Variants in ALG6 observed in about 807,000 individuals in gnomAD.
ALG6 encodes the protein ALG6 alpha-1,3-glucosyltransferase, also known as dolichyl pyrophosphate Man9GlcNAc2 alpha-1,3-glucosyltransferase.
Under a neutral mutation model 66.6 loss-of-function variants are expected in ALG6, and 46 were observed. The observed-to-expected ratio is 0.69, with a 90% CI of 0.55 to 0.88. ALG6 has a LOEUF of 0.88. Ranked by LOEUF, ALG6 falls within the 40% of genes least tolerant of loss-of-function variation. The pLI is 0.00. For synonymous variants in ALG6, 185 were observed against 203.7 expected, an observed-to-expected ratio of 0.91 and a Z score of 0.78; for missense variants, 505 against 586.8, an observed-to-expected ratio of 0.86 and a Z score of 1.44.
intron 3 of ALG6, among the ~76,000 whole-genome samples, chr1:63,401,327 A>G (rs1478370550): frequency 6.6e-6 from 1 of 152,176 alleles, no homozygotes; most frequent in African/African-American, 2.4e-5. Context: ...AATATTTTTA[A>G]TTCAAAAAGT....
At chr1:63,411,375 TA>T in intron 8 of ALG6, 44 bp downstream of exon 8, 1 of 1,574,466 alleles carries the variant, frequency 6.4e-7, no homozygotes, top group African/African-American at 1.4e-5. Flanking sequence ...TTACTTCAGA[TA>T]ATTTTTTTGG....
intron 5 of ALG6, among the ~76,000 whole-genome samples, chr1:63,405,008 C>A (rs542176416): frequency 6.6e-6 from 1 of 152,188 alleles, no homozygotes; most frequent in East Asian, 1.9e-4. Context: ...ATCCACACAA[C>A]AAATGTTTAT....
intron 2 of ALG6, among the ~76,000 whole-genome samples, chr1:63,393,299 A>G (rs1648725774): frequency 6.6e-6 from 1 of 152,156 alleles, no homozygotes; most frequent in Non-Finnish European, 1.5e-5. Flanking sequence ...AAAAATTTTT[A>G]TTATTGTAGG....
intron 2 of ALG6, among the ~76,000 whole-genome samples, chr1:63,377,868 G>C (rs1270281090): frequency 1.3e-5 from 2 of 152,024 alleles, no homozygotes; most frequent in East Asian, 1.9e-4. Flanking sequence ...CCAGTAGCTG[G>C]AACTACAGGT....
chr1:63,433,019 T>G lies in ALG6; in HGVS notation c.1327-3804T>G, dbSNP rs1190939031. Among the ~76,000 whole-genome samples the G allele has an allele frequency of 6.6e-6, 1 of 152,230 alleles. No individual in the cohort carries two copies. Among genetic ancestry groups the G allele is most frequent in the Non-Finnish European group, 1.5e-5 (1 of 68,034 alleles). ...GTGCAATGGCACGAACTTGGCTCACTGCAACCTCAACCTCCTGGGTTTATG... is the reference window on the plus strand; with the variant it reads ...GTGCAATGGCACGAACTTGGCTCACGGCAACCTCAACCTCCTGGGTTTATG... On this transcript the variant is annotated intron_variant, in intron 14 of 14. Coordinates refer to ENST00000263440, the MANE Select transcript of ALG6 (RefSeq NM_013339.4). The surrounding 1 kb of genome is among the most constrained non-coding windows in gnomAD (Gnocchi z 4.2).
At chr1:63,425,250 C>G (rs1187611164) in intron 12 of ALG6, among the ~76,000 whole-genome samples, 1 of 152,274 alleles carries the variant, frequency 6.6e-6, no homozygotes, top group Non-Finnish European at 1.5e-5. Flanking sequence ...AGAAGGAAAG[C>G]TGATGGTACA....
chr1:63,376,718 C>T (rs1164071468), intron 2 of ALG6, among the ~76,000 whole-genome samples: 1 of 152,126 alleles, frequency 6.6e-6, no homozygotes, highest in Non-Finnish European at 1.5e-5. Flanking sequence ...AGCATTGAAA[C>T]TTGACCTAGT....
In ALG6 at chr1:63,419,381, G is replaced by A. The variant is rs375487839; in HGVS notation, c.999G>A (p.Ala333=). 53 of 1,608,288 alleles carry A rather than the reference G, an allele frequency of 3.3e-5. No individual in the cohort carries two copies. Among genetic ancestry groups the A allele is most frequent in the South Asian group, 4.4e-5 (4 of 90,146 alleles). The change falls in exon 12 of 15, where the codon GCG becomes GCA. Residue 333 remains alanine, a synonymous_variant. Coordinates refer to ENST00000263440, the MANE Select transcript of ALG6 (RefSeq NM_013339.4). The part of the protein sequence containing the change: ...KGFKFTLVSC[A]LSFFLFSFQV... ...CTTTTTTCTTAAAGGTTAGCTGTGC[G>A]CTATCATTCTTTTTATTTTCTTTCC...
At position 63,404,483 on chromosome 1, in the gene ALG6, T is replaced by C. The variant is rs1048077663; in HGVS notation, c.288T>C (p.Ala96=). 3.1e-6 allele frequency: 5 copies of C among 1,613,624 alleles called. No homozygotes were observed. In the African/African-American group the frequency reaches 6.7e-5, roughly 22 times the overall value. The change falls in exon 5 of 15, where the codon GCT becomes GCC. Residue 96 remains alanine (A), a synonymous_variant. Transcript: ENST00000263440. ...AGTTTATAAATCCAGACTGGATTGC[T>C]CTCCATACATCACGTGGATATGAGA... ...VAKFINPDWI[A]LHTSRGYESQ...
rs368314781 is a variant in ALG6 at position 63,437,005 on chromosome 1, G to A, written c.1509G>A (p.Gln503=). 3.1e-6 allele frequency: 5 copies of A among 1,612,784 alleles called. No individual in the cohort carries two copies. In the East Asian group the frequency reaches 8.9e-5, roughly 29 times the overall value. ...GGGATTCCAAAAGTGGAAGAAATCA[G>A]AAGAAAATCAGCTAGCTGTATTCCT... ...IMWDSKSGRN[Q]KKIS The change falls in exon 15 of 15, where the codon CAG becomes CAA. Residue 503 remains glutamine, a synonymous_variant. Coordinates refer to ENST00000263440, the MANE Select transcript of ALG6 (RefSeq NM_013339.4).
In ALG6 at chr1:63,436,917, T is replaced by G; in HGVS notation, c.1421T>G (p.Val474Gly). 6.2e-7 allele frequency: 1 copy of G among 1,613,854 alleles called. No homozygotes were observed. The highest frequency in any genetic ancestry group is 8.5e-7 in the Non-Finnish European group (1 of 1,179,788). Residue 474 changes from valine (V) to glycine (G), a missense_variant, in exon 15 of 15, where the codon GTG (valine) becomes GGG (glycine). Coordinates refer to ENST00000263440, the MANE Select transcript of ALG6 (RefSeq NM_013339.4). ...QKLPDLFSVLVCFVSCLNFLF... is the reference protein window; with the variant it reads ...QKLPDLFSVLGCFVSCLNFLF... ...CTACCGGACTTGTTTTCTGTATTGG[T>G]GTGTTTTGTATCTTGCTTGAACTTC...
intron 9 of ALG6, 71 bp from the exon 10 acceptor site, chr1:63,413,990 G>A (rs2100423224): frequency 8.7e-7 from 1 of 1,151,210 alleles, no homozygotes; most frequent in African/African-American, 1.5e-5. Flanking sequence ...AGAGATTATG[G>A]GCTGTACTTC....
At chr1:63,374,520 C>A (rs942084870) in intron 2 of ALG6, among the ~76,000 whole-genome samples, 26 of 151,960 alleles carry the variant, frequency 1.7e-4, no homozygotes, top group Non-Finnish European at 2.9e-5. Context: ...CCCAGCTATT[C>A]CGGAGGATGA....
chr1:63,418,324 A>T (rs1292961697), intron 11 of ALG6, among the ~76,000 whole-genome samples: 2 of 148,060 alleles, frequency 1.4e-5, no homozygotes, highest in Non-Finnish European at 3.0e-5. Context: ...TTAAATAATA[A>T]TATTTATAAA....
intron 3 of ALG6, among the ~76,000 whole-genome samples, chr1:63,399,705 A>G (rs746954441): frequency 7.2e-5 from 11 of 152,148 alleles, no homozygotes; most frequent in Non-Finnish European, 1.3e-4. Context: ...AAAATACCAA[A>G]TATGACTCTG....
Position 63,414,106 on chromosome 1 carries a change from A to G in ALG6, c.862A>G (p.Ile288Val), listed in dbSNP as rs557790186. ...GTGCAGCTTCAATGTCTTTCTGAAG[A>G]TTAAGGATATTTTGCCACGTCACAT... ...IWCSFNVFLK[I>V]KDILPRHIQL... The change falls in exon 10 of 15, where the codon ATT (isoleucine) becomes GTT (valine). Residue 288 changes from isoleucine (I) to valine (V), a missense_variant. By Grantham distance (29) the Ile-to-Val change is conservative. Transcript: ENST00000263440. 3.3e-5 allele frequency: 53 copies of G among 1,613,296 alleles called. No individual in the cohort carries two copies. In the East Asian group the frequency reaches 8.7e-4, roughly 26 times the overall value.
At position 63,371,054 on chromosome 1, in the gene ALG6, A is replaced by C. The variant is rs747624965; in HGVS notation, c.77A>C (p.Tyr26Ser). 4 of 1,597,914 alleles carry C rather than the reference A, an allele frequency of 2.5e-6. No individual in the cohort carries two copies. The highest frequency in any genetic ancestry group is 1.3e-5 in the African/African-American group (1 of 74,564). Residue 26 changes from tyrosine to serine, a missense_variant, in exon 2 of 15, where the codon TAT (tyrosine) becomes TCT (serine). By Grantham distance (144) the Tyr-to-Ser change is moderately radical (BLOSUM62 -2). Transcript: ENST00000263440. ...TVRWTVSLNS[Y>S]SGAGKPPMFG... is the part of the protein sequence containing the mutation. The stretch of plus-strand genomic sequence containing the variant: ...CGATGGACAGTGTCTCTTAATTCTT[A>C]TTCAGGTAATACATTTTTACTGGTT...
chr1:63,410,925 A>G (rs908347187), intron 7 of ALG6, among the ~76,000 whole-genome samples: 4 of 152,194 alleles, frequency 2.6e-5, no homozygotes, highest in Non-Finnish European at 4.4e-5. Flanking sequence ...AGTAGATTTA[A>G]TGTATTTGAT....
Position 63,411,332 on chromosome 1 carries a change from G to T in ALG6, c.680+1G>T. 1 of 1,613,222 alleles carries T rather than the reference G, an allele frequency of 6.2e-7. No homozygotes were observed. Among genetic ancestry groups the T allele is most frequent in the Non-Finnish European group, 8.5e-7 (1 of 1,179,654 alleles). The stretch of plus-strand genomic sequence containing the variant: ...TTAAAAAAGGCCTCAAAGGAAAGGG[G>T]TGAGTGACTTTTAAACACTAGAATC... On this transcript the variant is annotated splice_donor_variant, in intron 8 of 14. Transcript: ENST00000263440. LOFTEE classifies it high-confidence loss of function.
Sources: gnomAD v4.1 joint callset for allele counts (sites outside exome capture counted in the v4.1 genomes callset) on GRCh38, gnomAD v4.1.1 for gene constraint, Gnocchi (gnomAD v3.1) non-coding constraint, MANE v1.5 for transcripts, NCBI Gene and HGNC (gene_info 2026-07-23, HGNC 2026-07-21) for gene names.